Variants in DROSHA observed in about 807,000 individuals in gnomAD.
DROSHA encodes the protein drosha ribonuclease III.
A neutral mutation model predicts 181.9 loss-of-function variants in DROSHA; 56 were observed. The observed-to-expected ratio is 0.31, with a 90% confidence interval of 0.25 to 0.38. The LOEUF (loss-of-function observed/expected upper bound fraction) is 0.38. DROSHA is among the 10% of genes least tolerant of loss of function. The pLI, the probability that DROSHA is intolerant of heterozygous loss-of-function variation, is 1.00. For synonymous variants in DROSHA, 524 were observed against 591.2 expected (o/e 0.89, Z 1.65); for missense variants, 1,218 against 1,743.5 (o/e 0.70, Z 5.37).
At chr5:31,461,817 A>G (rs1004991349) in intron 20 of DROSHA, among the ~76,000 whole-genome samples, 4 of 150,530 alleles carry the variant, frequency 2.7e-5, no homozygotes, top group African/African-American at 9.8e-5. Context: ...GAATGAGTTG[A>G]TGAACACCTC....
At chr5:31,492,673 G>A (rs1752555394) in intron 13 of DROSHA, among the ~76,000 whole-genome samples, 2 of 152,164 alleles carry the variant, frequency 1.3e-5, no homozygotes, top group South Asian at 4.1e-4. Context: ...TCATGGATCA[G>A]GAACTTCCAT....
intron 30 of DROSHA, 60 bp downstream of exon 30, chr5:31,421,212 C>G (rs550318427): frequency 5.8e-5 from 78 of 1,347,296 alleles, no homozygotes; most frequent in African/African-American, 4.5e-4. Context: ...TATTTGACCC[C>G]TCTAATCTTC....
intron 35 of DROSHA, among the ~76,000 whole-genome samples, chr5:31,403,811 C>T (rs1327223866): frequency 6.6e-6 from 1 of 152,226 alleles, no homozygotes; most frequent in Admixed American, 6.5e-5. Flanking sequence ...CGGCCCTTTA[C>T]AGCAAATGTT....
intron 16 of DROSHA, among the ~76,000 whole-genome samples, chr5:31,482,831 A>G (rs547163721): frequency 4.7e-5 from 7 of 149,340 alleles, no homozygotes; most frequent in Admixed American, 3.3e-4. Flanking sequence ...TTTTTTTTTA[A>G]TTTTTAGAGA....
In DROSHA at chr5:31,448,513, A is replaced by G. The variant is rs188665160; in HGVS notation, c.2882+34T>C. 2.9e-4 allele frequency: 461 copies of G among 1,570,252 alleles called. 7 individuals carry two copies. In the East Asian group the frequency reaches 9.1e-3, roughly 31 times the overall value. On this transcript the variant is annotated intron_variant, in intron 23 of 35. Transcript: ENST00000344624. Reference sequence around the variant, plus strand: ...AAACTGTATAGTACGTGAATTATATATCAATCAGGTTGTTTATTAAAAATC... The same window carrying G: ...AAACTGTATAGTACGTGAATTATATGTCAATCAGGTTGTTTATTAAAAATC...
intron 13 of DROSHA, among the ~76,000 whole-genome samples, chr5:31,492,990 A>G (rs1465050753): frequency 6.6e-6 from 1 of 152,182 alleles, no homozygotes; most frequent in Non-Finnish European, 1.5e-5. Flanking sequence ...GTTTACTTAC[A>G]CCATTTAATG....
intron 4 of DROSHA, among the ~76,000 whole-genome samples, chr5:31,527,853 T>C (rs1169183238): frequency 6.6e-6 from 1 of 152,200 alleles, no homozygotes; most frequent in Non-Finnish European, 1.5e-5. Context: ...GTGTATATAC[T>C]TCTAACTCAC....
intron 5 of DROSHA, among the ~76,000 whole-genome samples, chr5:31,521,724 G>A (rs1405488148): frequency 6.6e-6 from 1 of 151,882 alleles, no homozygotes; most frequent in Non-Finnish European, 1.5e-5. Flanking sequence ...CCTGCCATGA[G>A]GCCATGACTA....
intron 20 of DROSHA, among the ~76,000 whole-genome samples, chr5:31,462,007 T>C (rs1748461397): frequency 6.6e-6 from 1 of 152,168 alleles, no homozygotes; most frequent in Admixed American, 6.6e-5. Context: ...TTTTGGTGTG[T>C]AAGGTACTAT....
intron 27 of DROSHA, 96 bp downstream of exon 27, chr5:31,429,379 T>G: frequency 8.7e-7 from 1 of 1,146,066 alleles, no homozygotes; most frequent in Non-Finnish European, 1.2e-6. Flanking sequence ...ACTATTTTGT[T>G]TCTCCTATAT....
intron 21 of DROSHA, among the ~76,000 whole-genome samples, chr5:31,450,836 G>C (rs1014651137): frequency 6.6e-6 from 1 of 152,098 alleles, no homozygotes; most frequent in African/African-American, 2.4e-5. Flanking sequence ...AAATTTTAAA[G>C]TGGCCAAAAC....
intron 20 of DROSHA, among the ~76,000 whole-genome samples, chr5:31,458,245 T>C (rs551149479): frequency 4.6e-5 from 7 of 152,224 alleles, no homozygotes; most frequent in Non-Finnish European, 1.0e-4. Flanking sequence ...TTTACTGGGA[T>C]GTAACCCCAT....
At chr5:31,498,500 C>T (rs1024354727) in intron 11 of DROSHA, among the ~76,000 whole-genome samples, 5 of 152,112 alleles carry the variant, frequency 3.3e-5, no homozygotes, top group African/African-American at 9.6e-5. Context: ...GAGTAAAAAT[C>T]GAAAAGGTCA....
At chr5:31,499,644 A>G (rs1561258858) in intron 11 of DROSHA, among the ~76,000 whole-genome samples, 1 of 152,212 alleles carries the variant, frequency 6.6e-6, no homozygotes, top group Non-Finnish European at 1.5e-5. Flanking sequence ...GTGATGCTCT[A>G]CCATAGTCCC....
intron 29 of DROSHA, among the ~76,000 whole-genome samples, chr5:31,422,081 G>T (rs927902165): frequency 8.0e-6 from 1 of 125,206 alleles, no homozygotes; most frequent in Non-Finnish European, 1.6e-5. Flanking sequence ...AACAGAGTGA[G>T]ATCTGTCAGA....
chr5:31,479,852 C>T (rs994142068), intron 16 of DROSHA, among the ~76,000 whole-genome samples: 5 of 151,722 alleles, frequency 3.3e-5, no homozygotes, highest in African/African-American at 7.3e-5. Context: ...ACATATATAC[C>T]ATACCAGGTG....
intron 3 of DROSHA, among the ~76,000 whole-genome samples, chr5:31,529,432 A>T (rs1740961707): frequency 6.6e-6 from 1 of 152,110 alleles, no homozygotes; most frequent in Non-Finnish European, 1.5e-5. Context: ...CGTTTCCTTC[A>T]TGGTAAAAAC....
intron 10 of DROSHA, among the ~76,000 whole-genome samples, chr5:31,507,414 C>CAT (rs1554044406): frequency 0.19 from 70 of 378 alleles, no homozygotes; most frequent in East Asian, 0.5. Flanking sequence ...GAGCCAAGAT[C>CAT]GCCATTGCAC....
chr5:31,467,104 T>C (rs1749126921), intron 18 of DROSHA: 1 of 151,972 alleles, frequency 6.6e-6, no homozygotes, highest in Admixed American at 6.6e-5. Flanking sequence ...CTTTTTTTTT[T>C]TTTTTTAAGA....
Sources: gnomAD v4.1 joint callset for allele counts (sites outside exome capture counted in the v4.1 genomes callset) on GRCh38, gnomAD v4.1.1 for gene constraint, MANE v1.5 for transcripts, NCBI Gene and HGNC (gene_info 2026-07-23, HGNC 2026-07-21) for gene names.